Variants in IL1RAPL1 observed in about 807,000 individuals in gnomAD.
IL1RAPL1 encodes interleukin-1 receptor accessory protein-like 1.
In IL1RAPL1, 3 loss-of-function variants were observed where a neutral mutation model predicts 48.4. The observed-to-expected ratio is 0.06, with a 90% CI of 0.03 to 0.16. IL1RAPL1 has a LOEUF of 0.16. Among genes scored for constraint, IL1RAPL1 ranks in the 10% least tolerant of loss-of-function variants. The pLI, the probability that IL1RAPL1 is intolerant of heterozygous loss-of-function variation, is 1.00. For synonymous variants in IL1RAPL1, 185 were observed against 187.7 expected (o/e 0.99, Z 0.12); for missense variants, 349 against 530.6 (o/e 0.66, Z 3.36).
chrX:29,704,602 G>A (rs1927141941), intron 6 of IL1RAPL1, among the ~76,000 whole-genome samples: 1 of 111,250 alleles, frequency 9.0e-6, no homozygotes, highest in African/African-American at 3.3e-5. Flanking sequence ...CCGGGAGACA[G>A]AGGTTGCAGT....
At chrX:29,006,343 G>A (rs1440463231) in intron 2 of IL1RAPL1, among the ~76,000 whole-genome samples, 2 of 109,976 alleles carry the variant, frequency 1.8e-5, no homozygotes, top group East Asian at 5.7e-4. Flanking sequence ...GTAAAACCCT[G>A]TCTCTGCTAA....
At chrX:29,390,406 C>A (rs1172175449) in intron 3 of IL1RAPL1, among the ~76,000 whole-genome samples, 1 of 111,769 alleles carries the variant, frequency 8.9e-6, no homozygotes, top group Non-Finnish European at 1.9e-5. Flanking sequence ...TTAGAGTAGA[C>A]CATATAAAAC....
In IL1RAPL1 at chrX:28,623,095, A is replaced by G. The variant is rs182413360; in HGVS notation, c.-25+35048A>G. The stretch of plus-strand genomic sequence containing the variant: ...TTCAAGTGAAATTAATTAGTTACTT[A>G]GGGAGATATATATCTATATATCTCT... On this transcript the variant is annotated intron_variant, in intron 1 of 10. Coordinates refer to ENST00000378993, the MANE Select transcript of IL1RAPL1 (RefSeq NM_014271.4). 3.1e-3 allele frequency among the ~76,000 whole-genome samples: 346 copies of G among 111,287 alleles called. 6 individuals are homozygous for G. Among genetic ancestry groups the G allele is most frequent in the African/African-American group, 0.01 (317 of 30,642 alleles).
chrX:29,173,830 A>G (rs1258806209), intron 2 of IL1RAPL1, among the ~76,000 whole-genome samples: 2 of 112,284 alleles, frequency 1.8e-5, no homozygotes, highest in East Asian at 2.8e-4. Context: ...AGATGACTCA[A>G]AAATCTTCAA....
intron 6 of IL1RAPL1, among the ~76,000 whole-genome samples, chrX:29,802,769 A>ATATATGTG (rs1929955020): frequency 7.2e-5 from 2 of 27,637 alleles, no homozygotes; most frequent in East Asian, 3.1e-3. Context: ...ATATATATAT[A>ATATATGTG]TATATATATA....
intron 2 of IL1RAPL1, among the ~76,000 whole-genome samples, chrX:29,264,999 G>T (rs1035911558): frequency 9.0e-5 from 10 of 111,339 alleles, no homozygotes; most frequent in African/African-American, 2.6e-4. Context: ...TGCAACCTCC[G>T]CCTCCCGGGT....
intron 2 of IL1RAPL1, among the ~76,000 whole-genome samples, chrX:28,878,771 GT>G (rs1922436660): frequency 9.0e-6 from 1 of 111,424 alleles, no homozygotes; most frequent in East Asian, 2.8e-4. Context: ...AAAGTTCATG[GT>G]TCATATAAAG....
At chrX:29,550,176 A>G (rs1602291621) in intron 5 of IL1RAPL1, among the ~76,000 whole-genome samples, 1 of 109,965 alleles carries the variant, frequency 9.1e-6, no homozygotes, top group East Asian at 2.8e-4. Context: ...TTAATTTTAG[A>G]AATTCTTTTC....
intron 1 of IL1RAPL1, among the ~76,000 whole-genome samples, chrX:28,769,453 GA>G (rs1029227153): frequency 4.2e-4 from 47 of 111,231 alleles, no homozygotes; most frequent in African/African-American, 1.5e-3. Context: ...ATATGGAAGG[GA>G]TTGAATTGTT....
At chrX:29,814,675 AT>A (rs745807475) in intron 6 of IL1RAPL1, among the ~76,000 whole-genome samples, 9 of 111,816 alleles carry the variant, frequency 8.0e-5, no homozygotes, top group Non-Finnish European at 1.5e-4. Context: ...GAAAAGGGTT[AT>A]TTCCTAGGTT....
intron 1 of IL1RAPL1, among the ~76,000 whole-genome samples, chrX:28,614,180 T>C (rs1934185537): frequency 1.2e-5 from 1 of 81,074 alleles, no homozygotes; most frequent in Admixed American, 1.4e-4. Context: ...CTTTCGTTCT[T>C]GTTTTTTTAT....
At chrX:29,267,410 T>A (rs1931972502) in intron 2 of IL1RAPL1, among the ~76,000 whole-genome samples, 1 of 112,094 alleles carries the variant, frequency 8.9e-6, no homozygotes, top group Non-Finnish European at 1.9e-5. Context: ...AAGAAAGCTA[T>A]GACACCATAG....
chrX:29,766,132 C>T (rs957239414), intron 6 of IL1RAPL1, among the ~76,000 whole-genome samples: 2 of 107,174 alleles, frequency 1.9e-5, no homozygotes, highest in African/African-American at 6.8e-5. Context: ...AGATTGAGAC[C>T]ATCCTGGCCA....
At chrX:29,328,654 G>T (rs866965403) in intron 3 of IL1RAPL1, among the ~76,000 whole-genome samples, 13 of 107,632 alleles carry the variant, frequency 1.2e-4, no homozygotes, top group African/African-American at 4.5e-4. Flanking sequence ...GAGAGAGAGA[G>T]AGAGAGAGAG....
chrX:28,623,243 G>C (rs1030844391), intron 1 of IL1RAPL1, among the ~76,000 whole-genome samples: 2 of 111,370 alleles, frequency 1.8e-5, no homozygotes, highest in Non-Finnish European at 3.8e-5. Flanking sequence ...CTCTCTGAGA[G>C]AGCCGTTATA....
At chrX:29,833,466 A>G (rs1930927551) in intron 6 of IL1RAPL1, among the ~76,000 whole-genome samples, 1 of 111,114 alleles carries the variant, frequency 9.0e-6, no homozygotes, top group African/African-American at 3.3e-5. Flanking sequence ...TTAATCCCCT[A>G]TAAGGCACTT....
chrX:29,041,656 G>C (rs1326269962), intron 2 of IL1RAPL1, among the ~76,000 whole-genome samples: 2 of 111,982 alleles, frequency 1.8e-5, no homozygotes, highest in African/African-American at 6.5e-5. Flanking sequence ...AAAGAAGATG[G>C]AGTTGAGATG....
At chrX:29,722,909 C>T (rs930557703) in intron 6 of IL1RAPL1, among the ~76,000 whole-genome samples, 3 of 112,316 alleles carry the variant, frequency 2.7e-5, no homozygotes, top group Non-Finnish European at 5.6e-5. Context: ...AAACATTTCT[C>T]ACTGTAAATT....
chrX:28,594,257 C>T (rs894704647), intron 1 of IL1RAPL1, among the ~76,000 whole-genome samples: 29 of 111,360 alleles, frequency 2.6e-4, no homozygotes, highest in African/African-American at 9.4e-4. Context: ...AGTTGAATTT[C>T]GGTATAGATG....
Sources: allele counts gnomAD v4.1 joint callset (sites outside exome capture counted in the v4.1 genomes callset), GRCh38; gene constraint gnomAD v4.1.1; transcripts MANE v1.5; gene names NCBI Gene and HGNC (gene_info 2026-07-23, HGNC 2026-07-21).